ARHGAP24: variants seen among roughly 807,000 people sequenced by gnomAD.
ARHGAP24 encodes the protein Rho GTPase activating protein 24, also known as rho GTPase-activating protein 24.
ARHGAP24 carries 50 observed loss-of-function variants against 76.4 expected under a neutral mutation model. The ratio of observed to expected loss-of-function variants is 0.65; its 90% CI spans 0.52 to 0.83. ARHGAP24 has a LOEUF of 0.83. Among genes scored for constraint, ARHGAP24 ranks in the 40% least tolerant of loss-of-function variants. The pLI, the probability that ARHGAP24 is intolerant of heterozygous loss-of-function variation, is 0.00. For missense variants in ARHGAP24, 930 were observed against 914.2 expected, an observed-to-expected ratio of 1.02 and a Z score of -0.22; for synonymous variants, 345 against 323.3, an observed-to-expected ratio of 1.07 and a Z score of -0.72.
At chr4:85,733,664 G>A (rs991933612) in intron 3 of ARHGAP24, among the ~76,000 whole-genome samples, 7 of 152,058 alleles carry the variant, frequency 4.6e-5, no homozygotes, top group Admixed American at 3.9e-4. Flanking sequence ...GGTGTCAGCT[G>A]GGTTGGTTTC....
intron 2 of ARHGAP24, among the ~76,000 whole-genome samples, chr4:85,585,990 C>CT (rs1165240469): frequency 6.6e-6 from 1 of 152,126 alleles, no homozygotes; most frequent in Admixed American, 6.5e-5. Flanking sequence ...TTTTCTAGTC[C>CT]TTTTTTGTAT....
At chr4:85,991,202 C>T (rs957374206) in intron 8 of ARHGAP24, 1 of 152,104 alleles carries the variant, frequency 6.6e-6, no homozygotes, top group African/African-American at 2.4e-5. Flanking sequence ...GATGTCTCTA[C>T]ACATTTCTTA....
At chr4:85,504,859 A>G (rs1337634999) in intron 1 of ARHGAP24, among the ~76,000 whole-genome samples, 2 of 152,146 alleles carry the variant, frequency 1.3e-5, no homozygotes, top group Non-Finnish European at 2.9e-5. Context: ...GGCTGGCACC[A>G]GTTGTTCCTT....
chr4:85,872,300 A>AT (rs201593256), intron 3 of ARHGAP24, among the ~76,000 whole-genome samples: 110 of 147,792 alleles, frequency 7.4e-4, no homozygotes, highest in Admixed American at 2.4e-3. Flanking sequence ...AAAACACTTT[A>AT]TTTTTTTTTT....
rs59670585 is a variant in ARHGAP24 at position 85,635,566 on chromosome 4, T to C, written c.180+64845T>C. Reference sequence around the variant, plus strand: ...ATAGATTTTTCTTAACTTATTCTCCTGATATTTTTGCATCTGAAAGAAACC... The same window carrying C: ...ATAGATTTTTCTTAACTTATTCTCCCGATATTTTTGCATCTGAAAGAAACC... On this transcript the variant is annotated intron_variant, in intron 2 of 9. Transcript: ENST00000395184. 3.1e-3 allele frequency among the ~76,000 whole-genome samples: 470 copies of C among 152,008 alleles called. 3 individuals are homozygous for C. The highest frequency in any genetic ancestry group is 0.01 in the African/African-American group (422 of 41,548).
chr4:85,552,504 G>T (rs1726178864), intron 1 of ARHGAP24, among the ~76,000 whole-genome samples: 1 of 152,158 alleles, frequency 6.6e-6, no homozygotes, highest in African/African-American at 2.4e-5. Flanking sequence ...TGTTGTTTTT[G>T]AGTGGAGAGT....
In ARHGAP24 at chr4:85,857,691, A is replaced by G. The variant is rs115357483; in HGVS notation, c.269-65957A>G. On this transcript the variant is annotated intron_variant, in intron 3 of 9. Coordinates refer to ENST00000395184, the MANE Select transcript of ARHGAP24 (RefSeq NM_001025616.3). ...CTTACTCTCTCAGACTGATAGAGAC[A>G]GAAAATAGGCGAGTGAATTTATTTT... 4.0e-3 allele frequency among the ~76,000 whole-genome samples: 606 copies of G among 152,322 alleles called. 3 individuals are homozygous for G. The highest frequency in any genetic ancestry group is 0.014 in the African/African-American group (566 of 41,560).
intron 3 of ARHGAP24, among the ~76,000 whole-genome samples, chr4:85,834,808 T>A (rs1730177354): frequency 6.6e-6 from 1 of 152,230 alleles, no homozygotes; most frequent in Admixed American, 6.5e-5. Context: ...AATGTTTTGT[T>A]TCCCCAAGCC....
intron 2 of ARHGAP24, among the ~76,000 whole-genome samples, chr4:85,636,952 A>G (rs1721330078): frequency 6.6e-6 from 1 of 152,022 alleles, no homozygotes; most frequent in Non-Finnish European, 1.5e-5. Context: ...TAATTTTTCA[A>G]AGGAAGGAAT....
At chr4:85,986,660 C>T (rs967548559) in intron 8 of ARHGAP24, among the ~76,000 whole-genome samples, 3 of 152,024 alleles carry the variant, frequency 2.0e-5, no homozygotes, top group African/African-American at 4.8e-5. Flanking sequence ...AGACATAGAG[C>T]GTCCAGAAAT....
At chr4:85,605,967 C>T (rs896104535) in intron 2 of ARHGAP24, among the ~76,000 whole-genome samples, 1 of 152,144 alleles carries the variant, frequency 6.6e-6, no homozygotes, top group East Asian at 1.9e-4. Context: ...TGGTAGCTGA[C>T]CTTTTCTGAT....
At chr4:85,566,235 C>A (rs1726839925) in intron 1 of ARHGAP24, among the ~76,000 whole-genome samples, 1 of 152,156 alleles carries the variant, frequency 6.6e-6, no homozygotes, top group Non-Finnish European at 1.5e-5. Context: ...ATCTCACATA[C>A]CACCCAGCTA....
intron 2 of ARHGAP24, among the ~76,000 whole-genome samples, chr4:85,628,608 C>T (rs904707837): frequency 2.0e-5 from 3 of 152,132 alleles, no homozygotes; most frequent in Non-Finnish European, 2.9e-5. Context: ...CTGAAATCCT[C>T]TATGATTATT....
chr4:85,935,870 C>G (rs934110451), intron 4 of ARHGAP24, among the ~76,000 whole-genome samples: 2 of 152,172 alleles, frequency 1.3e-5, no homozygotes, highest in Non-Finnish European at 1.5e-5. Context: ...TTCCTTCCCC[C>G]CTCTGACTTT....
intron 3 of ARHGAP24, among the ~76,000 whole-genome samples, chr4:85,804,990 A>G (rs1728729150): frequency 6.6e-6 from 1 of 152,142 alleles, no homozygotes; most frequent in South Asian, 2.1e-4. Context: ...ATCTCTAGTT[A>G]TATTAGGTAC....
chr4:85,941,280 T>G (rs1224509946), intron 4 of ARHGAP24, among the ~76,000 whole-genome samples: 1 of 152,178 alleles, frequency 6.6e-6, no homozygotes, highest in Non-Finnish European at 1.5e-5. Context: ...CCTAGGTGTA[T>G]ACACCAAGGA....
intron 2 of ARHGAP24, among the ~76,000 whole-genome samples, chr4:85,614,871 G>A (rs1328649104): frequency 2.0e-5 from 3 of 151,926 alleles, no homozygotes; most frequent in Admixed American, 2.0e-4. Context: ...ATTAAACTAG[G>A]CCATCAGAGT....
At chr4:85,694,252 T>G (rs1723787834) in intron 2 of ARHGAP24, among the ~76,000 whole-genome samples, 1 of 152,138 alleles carries the variant, frequency 6.6e-6, no homozygotes, top group African/African-American at 2.4e-5. Context: ...CTTCTTTAAT[T>G]TCAGAGAAAC....
intron 3 of ARHGAP24, among the ~76,000 whole-genome samples, chr4:85,822,548 C>A (rs182863680): frequency 6.6e-6 from 1 of 152,306 alleles, no homozygotes; most frequent in Admixed American, 6.5e-5. Flanking sequence ...TCCCCATGCA[C>A]CCTGCTCACC....
Sources: allele counts gnomAD v4.1 joint callset (sites outside exome capture counted in the v4.1 genomes callset), GRCh38; gene constraint gnomAD v4.1.1; transcripts MANE v1.5; gene names NCBI Gene and HGNC (gene_info 2026-07-23, HGNC 2026-07-21).